SGCE: variants seen among roughly 807,000 people sequenced by gnomAD.
SGCE encodes the protein epsilon-sarcoglycan.
Under a neutral mutation model 57.8 loss-of-function variants are expected in SGCE, and 26 were observed. That is an observed-to-expected ratio of 0.45 (90% CI 0.33 to 0.62). The LOEUF (loss-of-function observed/expected upper bound fraction) is 0.62. SGCE is among the 20% of genes least tolerant of loss of function. SGCE has a pLI of 0.02. For missense variants in SGCE, 468 were observed against 548.6 expected, an observed-to-expected ratio of 0.85 and a Z score of 1.47; for synonymous variants, 183 against 189.5, an observed-to-expected ratio of 0.97 and a Z score of 0.28.
intron 1 of SGCE, among the ~76,000 whole-genome samples, chr7:94,650,450 A>G (rs531074505): frequency 7.2e-6 from 1 of 139,346 alleles, no homozygotes; most frequent in Non-Finnish European, 1.7e-5. Flanking sequence ...TGCAGGGGGA[A>G]AAGGAATCTT....
At chr7:94,593,998 GTGTAC>G (rs1175601362) in intron 9 of SGCE, among the ~76,000 whole-genome samples, 11 of 152,030 alleles carry the variant, frequency 7.2e-5, no homozygotes, top group African/African-American at 2.7e-4. Context: ...GCCCCAGAAT[GTGTAC>G]TGTAAAAGCT....
chr7:94,593,346 A>G (rs1797951964), intron 9 of SGCE, among the ~76,000 whole-genome samples: 1 of 151,994 alleles, frequency 6.6e-6, no homozygotes, highest in South Asian at 2.1e-4. Flanking sequence ...TGTGTGGAGT[A>G]CTATTCCCCA....
intron 1 of SGCE, among the ~76,000 whole-genome samples, chr7:94,653,679 T>C (rs1227835504): frequency 1.3e-5 from 2 of 152,062 alleles, no homozygotes; most frequent in Non-Finnish European, 2.9e-5. Context: ...AAAAAGGTTT[T>C]ATCTAAATTA....
At chr7:94,630,653 T>C (rs1228023932) in intron 1 of SGCE, among the ~76,000 whole-genome samples, 1 of 151,974 alleles carries the variant, frequency 6.6e-6, no homozygotes, top group African/African-American at 2.4e-5. Flanking sequence ...GTTTTTGCTC[T>C]GATAGCATCT....
In SGCE at chr7:94,630,081, A is replaced by G. The variant is rs189773548; in HGVS notation, c.110-240T>C. Among the ~76,000 whole-genome samples the G allele has an allele frequency of 1.5e-3, 234 of 152,086 alleles. 1 individual carries two copies. Among genetic ancestry groups the G allele is most frequent in the African/African-American group, 5.4e-3 (223 of 41,552 alleles). ...AGCCTTTTCAAACACTACATAGACA[A>G]AATTATGCACATTTAATATTTTAGA... On this transcript the variant is annotated intron_variant, in intron 1 of 10. Coordinates refer to ENST00000648936, the MANE Select transcript of SGCE (RefSeq NM_003919.3).
At chr7:94,614,658 A>T (rs1023962960) in intron 5 of SGCE, among the ~76,000 whole-genome samples, 5 of 152,172 alleles carry the variant, frequency 3.3e-5, no homozygotes, top group Admixed American at 2.0e-4. Context: ...CAGCTCCTCT[A>T]TAAACCTTTT....
intron 1 of SGCE, among the ~76,000 whole-genome samples, chr7:94,630,398 A>G (rs991270088): frequency 1.3e-5 from 2 of 151,844 alleles, no homozygotes; most frequent in Non-Finnish European, 2.9e-5. Context: ...TTTTCTGGGT[A>G]TTCATTCCTC....
chr7:94,644,926 TACTA>T (rs1173063592), intron 1 of SGCE, among the ~76,000 whole-genome samples: 1 of 152,238 alleles, frequency 6.6e-6, no homozygotes, highest in Non-Finnish European at 1.5e-5. Context: ...ATGTCTTAAA[TACTA>T]AGTGCTGGAT....
At chr7:94,613,945 T>G (rs1368378938) in intron 5 of SGCE, among the ~76,000 whole-genome samples, 2 of 151,794 alleles carry the variant, frequency 1.3e-5, no homozygotes, top group Non-Finnish European at 2.9e-5. Context: ...AAATAAAGAA[T>G]GAAAGATGTA....
intron 7 of SGCE, chr7:94,599,972 TAA>T: frequency 2.7e-6 from 1 of 375,332 alleles, no homozygotes; most frequent in Non-Finnish European, 4.8e-6. Flanking sequence ...TTGATTGAAA[TAA>T]ATTCTATGAC....
At chr7:94,602,030 C>A (rs1431215292) in intron 6 of SGCE, among the ~76,000 whole-genome samples, 1 of 152,114 alleles carries the variant, frequency 6.6e-6, no homozygotes, top group Non-Finnish European at 1.5e-5. Flanking sequence ...AAACAAAAAT[C>A]TTCAAGGAGT....
At chr7:94,643,175 T>C (rs1806629833) in intron 1 of SGCE, among the ~76,000 whole-genome samples, 1 of 152,228 alleles carries the variant, frequency 6.6e-6, no homozygotes, top group Non-Finnish European at 1.5e-5. Context: ...TTATGGGCTA[T>C]TTAAAGGATT....
chr7:94,597,685 A>G (rs930978941), intron 9 of SGCE: 1 of 152,106 alleles, frequency 6.6e-6, no homozygotes, highest in African/African-American at 2.4e-5. Context: ...GCTTAGGGCA[A>G]TTGAATTCAA....
intron 1 of SGCE, among the ~76,000 whole-genome samples, chr7:94,648,376 CA>C (rs71123907): frequency 0.54 from 35,436 of 65,180 alleles, 6,359 homozygotes; most frequent in African/African-American, 0.65. Context: ...ACTCTGTCTC[CA>C]AAAAAAAAAA....
chr7:94,632,082 A>G (rs1804804298), intron 1 of SGCE, among the ~76,000 whole-genome samples: 1 of 152,074 alleles, frequency 6.6e-6, no homozygotes, highest in Admixed American at 6.6e-5. Context: ...AACTAAATAT[A>G]TATAATACTT....
At chr7:94,595,588 C>T (rs1033187518) in intron 9 of SGCE, among the ~76,000 whole-genome samples, 10 of 151,910 alleles carry the variant, frequency 6.6e-5, no homozygotes, top group Non-Finnish European at 1.3e-4. Flanking sequence ...TAATGCCTCC[C>T]AAAATATAAT....
chr7:94,614,991 T>A (rs1397250519), intron 5 of SGCE, among the ~76,000 whole-genome samples: 1 of 152,160 alleles, frequency 6.6e-6, no homozygotes, highest in African/African-American at 2.4e-5. Context: ...CATTTGCAAA[T>A]ATTTCTATAT....
rs559771272 is a variant in SGCE, at chr7:94,617,134, C to T, written c.662+1624G>A. ...TCACATGCTCAGGCCCAGCCCTAGG[C>T]TCAAAGAATCAGTCTCTAGGGGGAA... On this transcript the variant is annotated intron_variant, in intron 5 of 10. Transcript: ENST00000648936. 4.6e-5 allele frequency: 7 copies of T among 152,300 alleles called. No homozygotes were observed. The East Asian group carries it at 1.2e-3, about 25-fold the overall frequency. 9.4% of individuals were successfully genotyped at this position (152,300 alleles called of 1,614,324 possible).
chr7:94,598,758 T>C lies in SGCE; in HGVS notation c.1253+17A>G. The C allele has an allele frequency of 6.5e-7, 1 of 1,549,334 alleles. No individual in the cohort carries two copies. Among genetic ancestry groups the C allele is most frequent in the Non-Finnish European group, 8.9e-7 (1 of 1,120,894 alleles). ...ATACATGCATATTAATAATTATGGC[T>C]CTAAGTGGACACTTACTGCTGCGTT... On this transcript the variant is annotated intron_variant, in intron 9 of 10. Transcript: ENST00000648936.
Sources: gnomAD v4.1 joint callset for allele counts (sites outside exome capture counted in the v4.1 genomes callset) on GRCh38, gnomAD v4.1.1 for gene constraint, MANE v1.5 for transcripts, NCBI Gene and HGNC (gene_info 2026-07-23, HGNC 2026-07-21) for gene names.